The following IRF8 variants were observed in gnomAD, a reference collection of about 807,000 sequenced individuals.
IRF8 encodes the protein interferon consensus sequence binding protein 1.
A neutral mutation model predicts 48.7 loss-of-function variants in IRF8; 14 were observed. That is an observed-to-expected ratio of 0.29 (90% CI 0.19 to 0.45). IRF8 has a LOEUF of 0.45. IRF8 is among the 20% of genes least tolerant of loss of function. The pLI, the probability that IRF8 is intolerant of heterozygous loss-of-function variation, is 1.00. For missense variants in IRF8, 493 were observed against 580.7 expected (o/e 0.85, Z 1.55); for synonymous variants, 278 against 227.3 (o/e 1.22, Z -2.01).
chr16:85,922,275 G>T lies in IRF8; in HGVS notation c.*993G>T, dbSNP rs1196772714. 1 of 152,390 alleles carries T rather than the reference G, an allele frequency of 6.6e-6. No individual in the cohort carries two copies. Among genetic ancestry groups the T allele is most frequent in the East Asian group, 1.9e-4 (1 of 5,336 alleles). The allele number at this position is 152,390 out of a possible 1,614,324, so 9.4% of individuals were successfully genotyped here. A position where few individuals can be genotyped will look rare whatever the true frequency, so the allele number is the denominator to read the frequency against. On this transcript the variant is annotated 3_prime_UTR_variant, in exon 9 of 9. Transcript: ENST00000268638. ...TTCCGGTTTAAAATCTGAAAAGCCA[G>T]ATATGCCTGTTTCCTTTTCCCAGCA...
In IRF8 at chr16:85,918,801, G is replaced by A. The variant is rs1217850601; in HGVS notation, c.986G>A (p.Arg329Gln). The A allele has an allele frequency of 8.7e-6, 14 of 1,607,696 alleles. No homozygotes were observed. The highest frequency in any genetic ancestry group is 3.3e-5 in the South Asian group (3 of 91,088). ...VQVFDTSQFF[R>Q]ELQQFYNSQG... ...GTCTTCGACACCAGCCAGTTCTTCCGAGGTCTGTACCGTCGTCACCTTGCT... is the reference window on the plus strand; with the variant it reads ...GTCTTCGACACCAGCCAGTTCTTCCAAGGTCTGTACCGTCGTCACCTTGCT... The change falls in exon 7 of 9, where the codon CGA becomes CAA. Residue 329 changes from arginine (R) to glutamine (Q), a missense_variant and splice_region_variant. Around this residue, in one of 3 missense-constraint regions of IRF8, gnomAD observed 408 missense variants for 449.6 expected, o/e 0.91. Transcript: ENST00000268638.
At chr16:85,905,743 G>T (rs1339463803) in intron 2 of IRF8, among the ~76,000 whole-genome samples, 2 of 152,216 alleles carry the variant, frequency 1.3e-5, no homozygotes, top group African/African-American at 4.8e-5. Flanking sequence ...CCATCTTAGG[G>T]ATTTTCCGGT....
chr16:85,913,045 T>C (rs574982114), intron 4 of IRF8, 86 bp from the exon 5 acceptor site: 4 of 960,518 alleles, frequency 4.2e-6, no homozygotes, highest in East Asian at 2.4e-5. Context: ...TACTTACACA[T>C]GAACTGTTCA....
intron 1 of IRF8, 148 bp from the exon 2 acceptor site, chr16:85,902,867 G>T: frequency 1.2e-6 from 1 of 807,460 alleles, no homozygotes; most frequent in Non-Finnish European, 2.1e-6. Flanking sequence ...TCTCATGGCA[G>T]GTGTCCCGGA....
At chr16:85,915,591 C>T (rs536822500) in intron 6 of IRF8, among the ~76,000 whole-genome samples, 48 of 152,364 alleles carry the variant, frequency 3.2e-4, no homozygotes, top group Non-Finnish European at 6.0e-4. Flanking sequence ...AGGATCTCAT[C>T]CAGGTCGCGC....
chr16:85,906,053 G>A (rs1056318196), intron 2 of IRF8, among the ~76,000 whole-genome samples: 7 of 152,234 alleles, frequency 4.6e-5, no homozygotes, highest in African/African-American at 1.2e-4. Context: ...TTGACATGAC[G>A]ACAAGGGGGG....
chr16:85,921,416 G>C lies in IRF8; in HGVS notation c.*134G>C. 2.1e-6 allele frequency: 2 copies of C among 940,602 alleles called. No individual in the cohort carries two copies. Among genetic ancestry groups the C allele is most frequent in the Non-Finnish European group, 3.4e-6 (2 of 591,968 alleles). The allele number at this position is 940,602 out of a possible 1,614,324, so 58.3% of individuals were successfully genotyped here. A position where few individuals can be genotyped will look rare whatever the true frequency, so the allele number is the denominator to read the frequency against. ...CCTTACTTTGCACTTAATTTAATAAGGGCATTCTCGGAGGAGTAGACGTTT... is the reference window on the plus strand; with the variant it reads ...CCTTACTTTGCACTTAATTTAATAACGGCATTCTCGGAGGAGTAGACGTTT... On this transcript the variant is annotated 3_prime_UTR_variant, in exon 9 of 9. Transcript: ENST00000268638.
intron 2 of IRF8, among the ~76,000 whole-genome samples, chr16:85,907,087 G>A (rs981069469): frequency 6.6e-5 from 10 of 152,284 alleles, no homozygotes; most frequent in Middle Eastern, 3.4e-3. Context: ...ATTAAAGACC[G>A]TGTGCTTTAA....
At chr16:85,902,898 C>T (rs1038283252) in intron 1 of IRF8, 117 bp from the exon 2 acceptor site, 2 of 1,113,916 alleles carry the variant, frequency 1.8e-6, no homozygotes, top group East Asian at 2.4e-5. Flanking sequence ...CTGTGGGTTT[C>T]CCCCAAGCCA....
intron 2 of IRF8, among the ~76,000 whole-genome samples, chr16:85,904,812 C>CTTTTTTTTTTTTTTGTTTTT (rs1904942176): frequency 1.1e-5 from 1 of 87,598 alleles, no homozygotes; most frequent in Non-Finnish European, 2.1e-5. Flanking sequence ...GATTGCAGAT[C>CTTTTTTTTTTTTTTGTTTTT]TTTTTTTTTT....
chr16:85,906,988 A>C (rs1250338493), intron 2 of IRF8, among the ~76,000 whole-genome samples: 2 of 152,242 alleles, frequency 1.3e-5, no homozygotes, highest in African/African-American at 4.8e-5. Flanking sequence ...GATTTAGTAC[A>C]TGGTTTGCTG....
intron 7 of IRF8, among the ~76,000 whole-genome samples, chr16:85,919,310 G>T (rs1013649486): frequency 6.6e-6 from 1 of 152,176 alleles, no homozygotes; most frequent in Admixed American, 6.5e-5. Flanking sequence ...GCTGTAGGGA[G>T]GATGTGTAGG....
chr16:85,914,081 A>T (rs1597254365), intron 5 of IRF8: 2 of 308,294 alleles, frequency 6.5e-6, no homozygotes, highest in East Asian at 1.7e-4. Flanking sequence ...GTGCTGCAGG[A>T]ACACCATCCG....
At chr16:85,911,017 G>A (rs1299138837) in intron 3 of IRF8, among the ~76,000 whole-genome samples, 2 of 152,232 alleles carry the variant, frequency 1.3e-5, no homozygotes, top group East Asian at 1.9e-4. Context: ...ACCTTTAGGC[G>A]GTTTGTGATT....
rs567890474 is a variant in IRF8, at chr16:85,907,163, A to G, written c.175-1827A>G. Among the ~76,000 whole-genome samples, 15 of 152,308 alleles carry G rather than the reference A, an allele frequency of 9.8e-5. No individual in the cohort carries two copies. The East Asian group carries it at 2.9e-3, about 29-fold the overall frequency. On this transcript the variant is annotated intron_variant, in intron 2 of 8. Transcript: ENST00000268638. ...AGGAAACTACCACTTATGCTCACTAATGGGAATGTTCTTCCAGTCTCTTTA... is the reference window on the plus strand; with the variant it reads ...AGGAAACTACCACTTATGCTCACTAGTGGGAATGTTCTTCCAGTCTCTTTA...
At chr16:85,899,820 T>G (rs2152097483) in intron 1 of IRF8, among the ~76,000 whole-genome samples, 1 of 152,334 alleles carries the variant, frequency 6.6e-6, no homozygotes, top group African/African-American at 2.4e-5. Flanking sequence ...TGAAAAAATT[T>G]ATTGAAAGAA....
At chr16:85,903,360 G>A in intron 2 of IRF8, 171 bp downstream of exon 2, 1 of 649,574 alleles carries the variant, frequency 1.5e-6, no homozygotes, top group South Asian at 1.9e-5. Flanking sequence ...TACATGAGCT[G>A]ATTTCACATC....
chr16:85,902,723 G>C (rs528785213), intron 1 of IRF8: 53 of 455,614 alleles, frequency 1.2e-4, no homozygotes, highest in African/African-American at 1.0e-3. Context: ...GAAAGGAAAG[G>C]GCAGATGAAA....
intron 1 of IRF8, among the ~76,000 whole-genome samples, chr16:85,900,146 T>C (rs549383116): frequency 6.6e-6 from 1 of 152,294 alleles, no homozygotes; most frequent in African/African-American, 2.4e-5. Context: ...CTTTCTGGTC[T>C]AGTGATGCGG....
Sources: allele counts gnomAD v4.1 joint callset (sites outside exome capture counted in the v4.1 genomes callset), GRCh38; gene constraint gnomAD v4.1.1; regional missense constraint gnomAD v4.1.1; transcripts MANE v1.5; gene names NCBI Gene and HGNC (gene_info 2026-07-23, HGNC 2026-07-21).